The following ADAM17 variants were observed in gnomAD, a reference collection of about 807,000 sequenced individuals.
ADAM17 encodes ADAM metallopeptidase domain 17.
In ADAM17, 39 loss-of-function variants were observed where a neutral mutation model predicts 96.7. The ratio of observed to expected loss-of-function variants is 0.40; its 90% CI spans 0.31 to 0.53. The LOEUF (loss-of-function observed/expected upper bound fraction) is 0.53. Among genes scored for constraint, ADAM17 ranks in the 20% least tolerant of loss-of-function variants. The probability of loss-of-function intolerance (pLI) is 0.44; values close to 1 mark genes in which losing one functional copy is unlikely to be tolerated. For missense variants in ADAM17, 777 were observed against 1,013.2 expected (o/e 0.77, Z 3.17); for synonymous variants, 344 against 359.2 (o/e 0.96, Z 0.48).
chr2:9,526,311 TTAAATC>T lies in ADAM17; in HGVS notation c.620-73_620-68del, dbSNP rs745459656. The T allele has an allele frequency of 3.2e-5, 48 of 1,491,406 alleles. No individual in the cohort carries two copies. The Middle Eastern group carries it at 5.3e-4, about 17-fold the overall frequency. The allele number at this position is 1,491,406 out of a possible 1,614,324, so 92.4% of individuals were successfully genotyped here. A position where few individuals can be genotyped will look rare whatever the true frequency, so the allele number is the denominator to read the frequency against. ...AAACAAGGAGTTTTATGGTAACACT[TTAAATC>T]TAACATATTTTTGAAACAAACATTA... On this transcript the variant is annotated intron_variant, in intron 5 of 18. Coordinates refer to ENST00000310823, the MANE Select transcript of ADAM17 (RefSeq NM_003183.6).
Position 9,489,259 on chromosome 2 carries a change from A to ATTTTTTTTTTTTTTTTTTTTTTTTTTTT in ADAM17, c.*917_*918insAAAAAAAAAAAAAAAAAAAAAAAAAAAA, listed in dbSNP as rs34525911. 8.0e-5 allele frequency: 7 copies of ATTTTTTTTTTTTTTTTTTTTTTTTTTTT among 87,412 alleles called. No individual in the cohort carries two copies. Among genetic ancestry groups the ATTTTTTTTTTTTTTTTTTTTTTTTTTTT allele is most frequent in the African/African-American group, 4.5e-4 (7 of 15,492 alleles). 5.4% of individuals were successfully genotyped at this position (87,412 alleles called of 1,614,324 possible). On this transcript the variant is annotated 3_prime_UTR_variant, in exon 19 of 19. Transcript: ENST00000310823. ...AATATTCTAGGTTTGTAGATAGTGA[A>ATTTTTTTTTTTTTTTTTTTTTTTTTTTT]TTTTTTTTTTTTTTTTTTTTTTTTG...
chr2:9,544,613 G>A (rs1665338221), intron 1 of ADAM17, among the ~76,000 whole-genome samples: 2 of 152,078 alleles, frequency 1.3e-5, no homozygotes, highest in South Asian at 4.1e-4. Context: ...GGATCACAAG[G>A]TCAGGAGATG....
intron 2 of ADAM17, among the ~76,000 whole-genome samples, chr2:9,537,269 T>C (rs974317155): frequency 2.0e-5 from 3 of 152,196 alleles, no homozygotes; most frequent in African/African-American, 4.8e-5. Flanking sequence ...AAATTGAGGC[T>C]TGGAAGCTAA....
chr2:9,554,708 C>T (rs1392929780), intron 1 of ADAM17, among the ~76,000 whole-genome samples: 2 of 152,204 alleles, frequency 1.3e-5, no homozygotes, highest in African/African-American at 4.8e-5. Flanking sequence ...CGCAAACTTA[C>T]TTCCACCAAA....
chr2:9,543,056 T>C, intron 2 of ADAM17, 97 bp downstream of exon 2: 1 of 1,356,988 alleles, frequency 7.4e-7, no homozygotes. Flanking sequence ...CTTTAAAATG[T>C]AATTTCCCAA....
Position 9,505,333 on chromosome 2 carries a change from A to G in ADAM17, c.1377T>C (p.Tyr459=). Residue 459 remains tyrosine (Y), a synonymous_variant, in exon 12 of 19, where the codon TAT becomes TAC. Transcript: ENST00000310823. ...CCTGGGCCTTACTTTCAATGGTCTT[A>G]TAGATTGATTGTTTACTGCAGTTTG... The part of the protein sequence containing the change: ...MFSNCSKQSI[Y]KTIESKAQEC... 1.2e-6 allele frequency: 2 copies of G among 1,614,172 alleles called. No homozygotes were observed. The highest frequency in any genetic ancestry group is 1.7e-6 in the Non-Finnish European group (2 of 1,180,012).
At chr2:9,538,487 CAT>C (rs1432544560) in intron 2 of ADAM17, among the ~76,000 whole-genome samples, 3 of 152,188 alleles carry the variant, frequency 2.0e-5, no homozygotes, top group African/African-American at 7.2e-5. Context: ...TATCCTAAAA[CAT>C]ATCTTCCCAC....
rs1664592938 is a variant in ADAM17 at position 9,527,935 on chromosome 2, T to C, written c.470A>G (p.Asn157Ser). 1.3e-6 allele frequency: 2 copies of C among 1,565,740 alleles called. No homozygotes were observed. Among genetic ancestry groups the C allele is most frequent in the South Asian group, 2.4e-5 (2 of 82,268 alleles). Residue 157 changes from asparagine (N) to serine (S), a missense_variant, in exon 5 of 19, where the codon AAT (asparagine) becomes AGT (serine). Asn to Ser is a conservative substitution (Grantham distance 46, BLOSUM62 1). Transcript: ENST00000310823. ...YNIEPLWRFV[N>S]DTKDKRMLVY... The stretch of plus-strand genomic sequence containing the variant: ...TAACATTCTTTTGTCTTTGGTATCA[T>C]TAACAAATCTCCAAAGTGGCTAAAA...
chr2:9,520,401 A>T (rs990100373), intron 8 of ADAM17, among the ~76,000 whole-genome samples: 1 of 152,230 alleles, frequency 6.6e-6, no homozygotes, highest in African/African-American at 2.4e-5. Context: ...TCTTTAGATT[A>T]ATCGCCAGAA....
intron 18 of ADAM17, 121 bp from the exon 19 acceptor site, chr2:9,490,639 A>C (rs1662056215): frequency 1.8e-6 from 2 of 1,087,984 alleles, no homozygotes; most frequent in Non-Finnish European, 2.6e-6. Flanking sequence ...CTAAGAAAAA[A>C]GTGCTAGGTG....
chr2:9,497,193 C>T lies in ADAM17; in HGVS notation c.1704G>A (p.Leu568=). 5 of 1,614,226 alleles carry T rather than the reference C, an allele frequency of 3.1e-6. No homozygotes were observed. Among genetic ancestry groups the T allele is most frequent in the Non-Finnish European group, 4.2e-6 (5 of 1,180,040 alleles). Residue 568 remains leucine, a synonymous_variant, in exon 14 of 19, where the codon TTG becomes TTA. Transcript: ENST00000310823. ...PGNAEDDTVC[L]DLGKCKDGKC... is the part of the protein sequence containing the mutation. ...TCCCATCCTTACACTTGCCAAGATC[C>T]AAGCAAACAGTGTCATCTTCAGCAT...
intron 14 of ADAM17, among the ~76,000 whole-genome samples, chr2:9,495,727 A>C (rs1310806361): frequency 6.8e-6 from 1 of 147,318 alleles, no homozygotes; most frequent in Non-Finnish European, 1.5e-5. Flanking sequence ...AAAAAAAAGA[A>C]AACCTTTTCA....
At chr2:9,497,425 T>C (rs1367622498) in intron 13 of ADAM17, among the ~76,000 whole-genome samples, 177 bp from the exon 14 acceptor site, 1 of 152,174 alleles carries the variant, frequency 6.6e-6, no homozygotes, top group East Asian at 1.9e-4. Flanking sequence ...TAAATGGGAG[T>C]GCCTGGCTAT....
chr2:9,518,801 A>AT (rs993893957), intron 8 of ADAM17, among the ~76,000 whole-genome samples: 67 of 149,762 alleles, frequency 4.5e-4, no homozygotes, highest in African/African-American at 1.2e-3. Flanking sequence ...GTTTGAGAGG[A>AT]TTTTTTTTTT....
At chr2:9,546,213 AAAT>A (rs1392485245) in intron 1 of ADAM17, among the ~76,000 whole-genome samples, 1 of 152,230 alleles carries the variant, frequency 6.6e-6, no homozygotes, top group African/African-American at 2.4e-5. Context: ...GGTCTAGAAA[AAAT>A]AAGCACAAGA....
intron 1 of ADAM17, among the ~76,000 whole-genome samples, chr2:9,544,765 G>C (rs1012913467): frequency 6.6e-6 from 1 of 151,804 alleles, no homozygotes; most frequent in Non-Finnish European, 1.5e-5. Context: ...GGCGGAAGTT[G>C]CAGTGAGCTG....
chr2:9,552,704 A>G (rs1220083916), intron 1 of ADAM17, among the ~76,000 whole-genome samples: 1 of 152,228 alleles, frequency 6.6e-6, no homozygotes, highest in Non-Finnish European at 1.5e-5. Context: ...TTTTGAAATC[A>G]AAGTGAGACT....
Position 9,551,748 on chromosome 2 carries a change from C to G in ADAM17, c.97+3761G>C, listed in dbSNP as rs537157421. ...TGCTGGGATTACAGGCATGAGCCAC[C>G]GCGCCTGGCCTAAACAATATTTTTA... On this transcript the variant is annotated intron_variant, in intron 1 of 18. Coordinates refer to ENST00000310823, the MANE Select transcript of ADAM17 (RefSeq NM_003183.6). Among the ~76,000 whole-genome samples, 7 of 152,202 alleles carry G rather than the reference C, an allele frequency of 4.6e-5. No homozygotes were observed. The South Asian group carries it at 1.2e-3, about 27-fold the overall frequency.
At chr2:9,501,222 G>GT (rs2124988612) in intron 13 of ADAM17, among the ~76,000 whole-genome samples, 1 of 152,242 alleles carries the variant, frequency 6.6e-6, no homozygotes, top group East Asian at 1.9e-4. Flanking sequence ...CAAGAAAAAT[G>GT]TAAGTAAGTG....
Sources: gnomAD v4.1 joint callset for allele counts (sites outside exome capture counted in the v4.1 genomes callset) on GRCh38, gnomAD v4.1.1 for gene constraint, MANE v1.5 for transcripts, NCBI Gene and HGNC (gene_info 2026-07-23, HGNC 2026-07-21) for gene names.